The following TIAM2 variants were observed in gnomAD, a reference collection of about 807,000 sequenced individuals.
TIAM2 encodes rho guanine nucleotide exchange factor TIAM2.
A neutral mutation model predicts 152.9 loss-of-function variants in TIAM2; 80 were observed. The ratio of observed to expected loss-of-function variants is 0.52; its 90% CI spans 0.44 to 0.63. The LOEUF is 0.63. Among genes scored for constraint, TIAM2 ranks in the 30% least tolerant of loss-of-function variants. TIAM2 has a pLI of 0.00. For missense variants in TIAM2, 1,965 were observed against 2,120.1 expected, an observed-to-expected ratio of 0.93 and a Z score of 1.44; for synonymous variants, 804 against 838.0, an observed-to-expected ratio of 0.96 and a Z score of 0.70.
At chr6:155,091,058 A>G (rs576053662) in intron 2 of TIAM2, among the ~76,000 whole-genome samples, 1 of 152,134 alleles carries the variant, frequency 6.6e-6, no homozygotes, top group Non-Finnish European at 1.5e-5. Context: ...CGCTCAGATG[A>G]ACATAACCTT....
chr6:155,256,818 A>G lies in TIAM2; in HGVS notation c.4803A>G (p.Pro1601=). Residue 1601 remains proline (P), a synonymous_variant, in exon 27 of 27, where the codon CCA becomes CCG. Transcript: ENST00000682666. ...AGAGACTGAGGATTTCCGAGGACCCAGACGTTCACCCCGAGGCTGAGCAGC... is the reference window on the plus strand; with the variant it reads ...AGAGACTGAGGATTTCCGAGGACCCGGACGTTCACCCCGAGGCTGAGCAGC... ...QFQRLRISED[P]DVHPEAEQQP... 4 of 1,614,180 alleles carry G rather than the reference A, an allele frequency of 2.5e-6. No individual in the cohort carries two copies. Among genetic ancestry groups the G allele is most frequent in the Non-Finnish European group, 3.4e-6 (4 of 1,180,042 alleles).
chr6:155,229,610 T>C (rs1297262734), intron 15 of TIAM2, among the ~76,000 whole-genome samples: 1 of 152,208 alleles, frequency 6.6e-6, no homozygotes, highest in Non-Finnish European at 1.5e-5. Context: ...AAGTAATTGT[T>C]GAAGAAAAGC....
At chr6:155,187,573 C>CCCCCTTTTTT (rs1189509294) in intron 14 of TIAM2, among the ~76,000 whole-genome samples, 1 of 49,614 alleles carries the variant, frequency 2.0e-5, no homozygotes, top group African/African-American at 7.9e-5. Flanking sequence ...ACCCCGCCCC[C>CCCCCTTTTTT]TTTTTTTTTT....
rs148680452 is a variant in TIAM2 at position 155,214,584 on chromosome 6, T to C, written c.3168+3277T>C. Among the ~76,000 whole-genome samples the C allele has an allele frequency of 8.2e-3, 1,246 of 152,350 alleles. 18 individuals are homozygous for C. Among genetic ancestry groups the C allele is most frequent in the African/African-American group, 0.028 (1,184 of 41,586 alleles). On this transcript the variant is annotated intron_variant, in intron 15 of 26. Coordinates refer to ENST00000682666, the MANE Select transcript of TIAM2 (RefSeq NM_012454.4). The surrounding 1 kb of genome is among the most constrained non-coding windows in gnomAD (Gnocchi z 5.4). ...TCCTCATGCAAAGCAAATGCTCAGC[T>C]GCCTTCGCTGGCCTGGTTATGTCCC...
chr6:155,082,866 C>T (rs926581805), intron 1 of TIAM2, among the ~76,000 whole-genome samples: 10 of 151,974 alleles, frequency 6.6e-5, no homozygotes, highest in Non-Finnish European at 1.0e-4. Context: ...GTGGGAGGTT[C>T]TGACAGATGG....
intron 15 of TIAM2, chr6:155,232,564 C>T (rs1282997161): frequency 6.6e-6 from 1 of 152,198 alleles, no homozygotes; most frequent in African/African-American, 2.4e-5. Flanking sequence ...AGCAGCAGAA[C>T]CCTAGTTCTT....
intron 1 of TIAM2, among the ~76,000 whole-genome samples, chr6:155,070,366 G>A (rs1350770080): frequency 6.6e-6 from 1 of 150,500 alleles, no homozygotes. Flanking sequence ...GATTACAGTA[G>A]CTGGGATTAC....
intron 5 of TIAM2, among the ~76,000 whole-genome samples, chr6:155,143,431 T>TGTTTTCTA (rs1197414661): frequency 2.6e-5 from 4 of 152,232 alleles, no homozygotes; most frequent in African/African-American, 9.6e-5. Flanking sequence ...TTCAGGCACA[T>TGTTTTCTA]TTAGTTTCAC....
intron 1 of TIAM2, among the ~76,000 whole-genome samples, chr6:155,029,409 AAT>A (rs1554225484): frequency 4.6e-5 from 4 of 86,196 alleles, no homozygotes; most frequent in Admixed American, 3.9e-4. Flanking sequence ...TAGTATATAT[AAT>A]ATATACTATA....
intron 3 of TIAM2, among the ~76,000 whole-genome samples, chr6:155,128,990 T>C (rs935923694): frequency 1.3e-5 from 2 of 152,302 alleles, no homozygotes; most frequent in South Asian, 4.1e-4. Context: ...GAATAATGTC[T>C]TTAAAATAAT....
chr6:155,033,891 A>G (rs1776869746), intron 1 of TIAM2, among the ~76,000 whole-genome samples: 1 of 151,704 alleles, frequency 6.6e-6, no homozygotes, highest in Non-Finnish European at 1.5e-5. Context: ...TAATTTTTGC[A>G]TTTTTAGTAG....
chr6:155,247,477 C>T (rs1783400835), intron 19 of TIAM2, among the ~76,000 whole-genome samples: 1 of 151,962 alleles, frequency 6.6e-6, no homozygotes, highest in African/African-American at 2.4e-5. Flanking sequence ...TAGAGGCGCC[C>T]ACCACCACGC....
chr6:155,050,254 G>A (rs1583168330), intron 1 of TIAM2, among the ~76,000 whole-genome samples: 1 of 152,252 alleles, frequency 6.6e-6, no homozygotes, highest in East Asian at 1.9e-4. Flanking sequence ...CTGGTCTCGT[G>A]ACCTCAAGTG....
chr6:155,009,204 C>T (rs986439989), intron 1 of TIAM2, among the ~76,000 whole-genome samples: 7 of 145,628 alleles, frequency 4.8e-5, no homozygotes, highest in Admixed American at 1.5e-4. Flanking sequence ...AGGGTTCGGG[C>T]GATTCTTGCA....
Position 155,129,167 on chromosome 6 carries a change from T to G in TIAM2, c.-6-51T>G. ...TTCTTTTTAGAAAGTTCTGTCATAA[T>G]GGAATGTAATTTAGGCCACGGTCTT... On this transcript the variant is annotated intron_variant, in intron 3 of 26. Transcript: ENST00000682666. This position sits in a 1 kb window ranked among gnomAD's most constrained non-coding sequence, Gnocchi z 4.8. 6.6e-7 allele frequency: 1 copy of G among 1,526,656 alleles called. No homozygotes were observed. The highest frequency in any genetic ancestry group is 1.4e-5 in the African/African-American group (1 of 72,862). 94.6% of individuals were successfully genotyped at this position (1,526,656 alleles called of 1,614,324 possible). A position where few individuals can be genotyped will look rare whatever the true frequency, so the allele number is the denominator to read the frequency against.
At chr6:155,172,688 T>A (rs1201551) in intron 9 of TIAM2, among the ~76,000 whole-genome samples, 314 of 16,454 alleles carry the variant, frequency 0.019, no homozygotes, top group South Asian at 0.039. Flanking sequence ...ATATATATAT[T>A]TTTTTTTTTT....
intron 1 of TIAM2, among the ~76,000 whole-genome samples, chr6:155,045,590 A>G (rs912356988): frequency 5.9e-5 from 9 of 152,008 alleles, no homozygotes; most frequent in Non-Finnish European, 1.2e-4. Context: ...GGTTTGTTTT[A>G]CTGAATTAAG....
chr6:155,119,315 G>A (rs899298094), intron 2 of TIAM2, among the ~76,000 whole-genome samples: 6 of 151,512 alleles, frequency 4.0e-5, no homozygotes, highest in Admixed American at 1.3e-4. Flanking sequence ...GATTACAGGC[G>A]TGAGCCACTG....
intron 14 of TIAM2, among the ~76,000 whole-genome samples, chr6:155,200,734 C>G (rs1394427425): frequency 1.3e-5 from 2 of 152,064 alleles, no homozygotes; most frequent in African/African-American, 2.4e-5. Context: ...GAAACCCTGT[C>G]TCTACTAAAA....
Sources: allele counts gnomAD v4.1 joint callset (sites outside exome capture counted in the v4.1 genomes callset), GRCh38; gene constraint gnomAD v4.1.1; non-coding constraint Gnocchi (gnomAD v3.1); transcripts MANE v1.5; gene names NCBI Gene and HGNC (gene_info 2026-07-23, HGNC 2026-07-21).